ABTB3: variants seen among roughly 807,000 people sequenced by gnomAD.
ABTB3 encodes the protein ankyrin repeat and BTB domain containing 3, also known as ankyrin repeat- and BTB/POZ domain-containing protein 3.
the ABTB3 span, chr12:107,581,394 C>T: frequency 2.4e-5 from 27 of 1,136,426 alleles, no homozygotes; most frequent in Non-Finnish European, 2.9e-5. Context: ...CGCTGGGCGG[C>T]CTGAGCCCCG....
At chr12:107,362,996 C>G in the ABTB3 span, among the ~76,000 whole-genome samples, 1 of 152,162 alleles carries the variant, frequency 6.6e-6, no homozygotes, top group Non-Finnish European at 1.5e-5. Flanking sequence ...ATCCCGGCAG[C>G]CTGACTCCAG....
chr12:107,522,925 C>T, the ABTB3 span, among the ~76,000 whole-genome samples: 2 of 152,000 alleles, frequency 1.3e-5, no homozygotes, highest in Admixed American at 1.3e-4. Flanking sequence ...GCTTACATAC[C>T]CCCTAATTCA....
the ABTB3 span, among the ~76,000 whole-genome samples, chr12:107,401,391 A>G: frequency 6.6e-6 from 1 of 152,152 alleles, no homozygotes; most frequent in Admixed American, 6.5e-5. Flanking sequence ...GATTATATTA[A>G]CACTCAGTAA....
chr12:107,409,829 G>A, the ABTB3 span, among the ~76,000 whole-genome samples: 7 of 152,236 alleles, frequency 4.6e-5, no homozygotes, highest in East Asian at 3.9e-4. Context: ...AAACCTGCAC[G>A]TTCTGTACAT....
chr12:107,320,905 C>T, the ABTB3 span, among the ~76,000 whole-genome samples: 1 of 152,090 alleles, frequency 6.6e-6, no homozygotes, highest in East Asian at 1.9e-4. Flanking sequence ...GCGTCGTTTC[C>T]AGCAGGTTCT....
chr12:107,539,317 C>G, the ABTB3 span, among the ~76,000 whole-genome samples: 1 of 152,174 alleles, frequency 6.6e-6, no homozygotes, highest in Non-Finnish European at 1.5e-5. Flanking sequence ...GGTCCCTTCC[C>G]AACTTTCACT....
the ABTB3 span, among the ~76,000 whole-genome samples, chr12:107,578,100 C>T: frequency 0.048 from 7,294 of 152,130 alleles, 560 homozygotes; most frequent in African/African-American, 0.17. Flanking sequence ...TTCCCATCTC[C>T]AATTCCTCCA....
At chr12:107,467,387 T>C in the ABTB3 span, among the ~76,000 whole-genome samples, 2 of 152,146 alleles carry the variant, frequency 1.3e-5, no homozygotes, top group Non-Finnish European at 2.9e-5. Context: ...AGGCATCCCT[T>C]GTCCCCCACA....
At chr12:107,584,348 A>G in the ABTB3 span, among the ~76,000 whole-genome samples, 25 of 152,220 alleles carry the variant, frequency 1.6e-4, no homozygotes, top group African/African-American at 5.8e-4. Context: ...TACAGATGAG[A>G]AGGCTGAGGC....
the ABTB3 span, among the ~76,000 whole-genome samples, chr12:107,387,280 GTCAGC>G: frequency 6.6e-6 from 1 of 152,292 alleles, no homozygotes; most frequent in East Asian, 1.9e-4. Context: ...GCCTGGCCAA[GTCAGC>G]TGCATTCTAA....
At chr12:107,587,893 C>T in the ABTB3 span, among the ~76,000 whole-genome samples, 6 of 152,210 alleles carry the variant, frequency 3.9e-5, no homozygotes, top group Non-Finnish European at 7.3e-5. Context: ...CAAAGTACCA[C>T]ACACTGGCTG....
At chr12:107,596,391 T>A in the ABTB3 span, among the ~76,000 whole-genome samples, 16 of 152,172 alleles carry the variant, frequency 1.1e-4, no homozygotes, top group African/African-American at 1.4e-4. Flanking sequence ...GGTGGGTGGA[T>A]CACTTGAGGT....
chr12:107,458,440 C>T, the ABTB3 span, among the ~76,000 whole-genome samples: 3 of 152,288 alleles, frequency 2.0e-5, no homozygotes, highest in East Asian at 1.9e-4. Flanking sequence ...GCAGCCCCAT[C>T]GATCCTTGTT....
chr12:107,507,519 G>A, the ABTB3 span, among the ~76,000 whole-genome samples: 16,500 of 152,052 alleles, frequency 0.11, 1,294 homozygotes, highest in East Asian at 0.25. Flanking sequence ...CTGACTTCAC[G>A]CAGGCACCAG....
At chr12:107,533,160 A>G in the ABTB3 span, among the ~76,000 whole-genome samples, 1 of 152,218 alleles carries the variant, frequency 6.6e-6, no homozygotes, top group African/African-American at 2.4e-5. Flanking sequence ...ACAGAAAACT[A>G]CCAAACTGCA....
the ABTB3 span, among the ~76,000 whole-genome samples, chr12:107,465,298 C>G: frequency 2.0e-5 from 3 of 152,162 alleles, no homozygotes; most frequent in Non-Finnish European, 4.4e-5. Flanking sequence ...CAACTTTCCT[C>G]AGGTCACACG....
the ABTB3 span, among the ~76,000 whole-genome samples, chr12:107,380,878 A>G: frequency 6.6e-6 from 1 of 152,184 alleles, no homozygotes; most frequent in Non-Finnish European, 1.5e-5. Context: ...GTACAGCAGT[A>G]TATTATATAC....
At chr12:107,366,836 G>T in the ABTB3 span, among the ~76,000 whole-genome samples, 2 of 152,174 alleles carry the variant, frequency 1.3e-5, no homozygotes, top group Non-Finnish European at 2.9e-5. Context: ...CTTTCTGGAA[G>T]GGATCCCATG....
chr12:107,629,412 G>A, the ABTB3 span, among the ~76,000 whole-genome samples: 1 of 152,176 alleles, frequency 6.6e-6, no homozygotes, highest in Admixed American at 6.5e-5. Flanking sequence ...AACAGGGAGA[G>A]ACCCTGTCTC....
Sources: gnomAD v4.1 joint callset for allele counts (sites outside exome capture counted in the v4.1 genomes callset) on GRCh38, gnomAD v4.1.1 for gene constraint, MANE v1.5 for transcripts, NCBI Gene and HGNC (gene_info 2026-07-23, HGNC 2026-07-21) for gene names.